SLC25A31: variants seen among roughly 807,000 people sequenced by gnomAD.
SLC25A31 encodes solute carrier family 25 member 31.
SLC25A31 carries 40 observed loss-of-function variants against 36.2 expected under a neutral mutation model. The ratio of observed to expected loss-of-function variants is 1.10; its 90% CI spans 0.86 to 1.44. The LOEUF (loss-of-function observed/expected upper bound fraction) is 1.44. Ranked by LOEUF, SLC25A31 falls within the 40% of genes most tolerant of loss-of-function variation. The pLI is 0.00. For missense variants in SLC25A31, 350 were observed against 397.1 expected (o/e 0.88, Z 1.01); for synonymous variants, 143 against 149.7 (o/e 0.96, Z 0.32).
intron 2 of SLC25A31, among the ~76,000 whole-genome samples, chr4:127,759,015 G>A: frequency 6.6e-6 from 1 of 152,108 alleles, no homozygotes; most frequent in South Asian, 2.1e-4. Flanking sequence ...GACAACTGAT[G>A]TTGGTAATTT....
intron 1 of SLC25A31, among the ~76,000 whole-genome samples, chr4:127,740,507 A>G (rs955270595): frequency 3.3e-5 from 5 of 152,220 alleles, no homozygotes; most frequent in African/African-American, 2.4e-5. Flanking sequence ...ACACAGCTAC[A>G]TATGTACTTG....
chr4:127,762,920 T>G (rs1318634472), intron 2 of SLC25A31, among the ~76,000 whole-genome samples: 2 of 147,506 alleles, frequency 1.4e-5, no homozygotes, highest in Non-Finnish European at 3.0e-5. Context: ...CGAGACTCTG[T>G]CTCAAAAAAA....
intron 2 of SLC25A31, among the ~76,000 whole-genome samples, chr4:127,752,248 G>T (rs1326357296): frequency 1.3e-5 from 2 of 152,202 alleles, no homozygotes; most frequent in East Asian, 3.9e-4. Flanking sequence ...CATAAAAAAT[G>T]ATGAGTTCAT....
intron 2 of SLC25A31, among the ~76,000 whole-genome samples, chr4:127,753,005 T>C (rs1186364640): frequency 6.6e-6 from 1 of 152,188 alleles, no homozygotes; most frequent in Non-Finnish European, 1.5e-5. Context: ...TGTCAAGTTA[T>C]CTTTTCTGAC....
chr4:127,768,731 T>C lies in SLC25A31; in HGVS notation c.634-21T>C, dbSNP rs370299703. 2.6e-5 allele frequency: 41 copies of C among 1,566,164 alleles called. No individual in the cohort carries two copies. The African/African-American group carries it at 4.5e-4, about 17-fold the overall frequency. On this transcript the variant is annotated intron_variant, in intron 4 of 5. Coordinates refer to ENST00000281154, the MANE Select transcript of SLC25A31 (RefSeq NM_031291.4). ...TATTTTAGAAATTTGGATAGTTACTTGGCACATTTTTCTTTTCTAGGGTTT... is the reference window on the plus strand; with the variant it reads ...TATTTTAGAAATTTGGATAGTTACTCGGCACATTTTTCTTTTCTAGGGTTT...
At position 127,773,494 on chromosome 4, in the gene SLC25A31, C is replaced by T; in HGVS notation, c.868C>T (p.Arg290Cys). The change falls in exon 6 of 6, where the codon CGC becomes TGC. Residue 290 changes from arginine to cysteine, a missense_variant. Transcript: ENST00000281154. The part of the protein sequence containing the change: ...FFRGAFSNVL[R>C]GTGGALVLVL... Reference sequence around the variant, plus strand: ...TCGTGGCGCCTTCTCCAATGTTCTTCGCGGTACAGGGGGTGCTTTGGTGTT... The same window carrying T: ...TCGTGGCGCCTTCTCCAATGTTCTTTGCGGTACAGGGGGTGCTTTGGTGTT... 2.5e-6 allele frequency: 4 copies of T among 1,613,874 alleles called. No individual in the cohort carries two copies. Among genetic ancestry groups the T allele is most frequent in the East Asian group, 4.5e-5 (2 of 44,870 alleles).
At chr4:127,750,807 A>G (rs1007391898) in intron 2 of SLC25A31, among the ~76,000 whole-genome samples, 5 of 152,208 alleles carry the variant, frequency 3.3e-5, no homozygotes, top group Admixed American at 1.3e-4. Context: ...GAAATACAAC[A>G]AATTATGAAG....
chr4:127,751,271 C>A (rs1196095706), intron 2 of SLC25A31, among the ~76,000 whole-genome samples: 1 of 152,214 alleles, frequency 6.6e-6, no homozygotes, highest in Admixed American at 6.5e-5. Context: ...TAATACCAGG[C>A]ATCTACAACC....
At chr4:127,772,696 G>A (rs901501582) in intron 5 of SLC25A31, among the ~76,000 whole-genome samples, 2 of 151,902 alleles carry the variant, frequency 1.3e-5, no homozygotes, top group East Asian at 3.9e-4. Context: ...AAAAATTTAG[G>A]TAAGAGGTTT....
chr4:127,735,828 G>T, intron 1 of SLC25A31, among the ~76,000 whole-genome samples: 2 of 140,314 alleles, frequency 1.4e-5, no homozygotes, highest in African/African-American at 2.6e-5. Flanking sequence ...AAAAAATGTT[G>T]GTTTAGACTG....
rs954651576 is a variant in SLC25A31, at chr4:127,773,977, T to C, written c.*403T>C. ...AAGTCATATGGTATGACATATTTCT[T>C]AAAAGCTTATCAATAGATGTCATCA... On this transcript the variant is annotated 3_prime_UTR_variant, in exon 6 of 6. Coordinates refer to ENST00000281154, the MANE Select transcript of SLC25A31 (RefSeq NM_031291.4). 6.4e-6 allele frequency: 1 copy of C among 155,586 alleles called. No homozygotes were observed. The highest frequency in any genetic ancestry group is 1.4e-5 in the Non-Finnish European group (1 of 70,456). 9.6% of individuals were successfully genotyped at this position (155,586 alleles called of 1,614,324 possible).
chr4:127,768,722 A>T, intron 4 of SLC25A31, 30 bp from the exon 5 acceptor site: 1 of 1,547,288 alleles, frequency 6.5e-7, no homozygotes, highest in South Asian at 1.3e-5. Context: ...AGAAATTTGG[A>T]TAGTTACTTG....
At chr4:127,750,957 G>A (rs1009383269) in intron 2 of SLC25A31, among the ~76,000 whole-genome samples, 7 of 152,110 alleles carry the variant, frequency 4.6e-5, no homozygotes, top group Admixed American at 2.6e-4. Context: ...TAGTGGTAAA[G>A]GGATTAAAAA....
intron 1 of SLC25A31, among the ~76,000 whole-genome samples, chr4:127,736,939 A>G (rs1458227585): frequency 6.6e-6 from 1 of 152,238 alleles, no homozygotes; most frequent in East Asian, 1.9e-4. Flanking sequence ...GAACCTATGT[A>G]GTGCATAGCA....
rs1464774325 is a variant in SLC25A31, at chr4:127,730,770, C to T, written c.225C>T (p.Arg75=). 6.2e-7 allele frequency: 1 copy of T among 1,609,050 alleles called. No homozygotes were observed. The highest frequency in any genetic ancestry group is 1.3e-5 in the African/African-American group (1 of 74,850). Residue 75 remains arginine, a synonymous_variant, in exon 1 of 6, where the codon CGC becomes CGT. Coordinates refer to ENST00000281154, the MANE Select transcript of SLC25A31 (RefSeq NM_031291.4). ...GMVDCLVRIP[R]EQGFFSFWRG... ...TGGACTGCCTGGTGCGGATTCCTCG[C>T]GAGCAGGGTGCGTCAAGGCAGGCCG...
At chr4:127,732,785 C>T (rs1318655280) in intron 1 of SLC25A31, among the ~76,000 whole-genome samples, 1 of 152,046 alleles carries the variant, frequency 6.6e-6, no homozygotes, top group African/African-American at 2.4e-5. Flanking sequence ...ATGGTGTATC[C>T]TATGCTAAGA....
chr4:127,730,822 G>C, intron 1 of SLC25A31, 45 bp downstream of exon 1: 2 of 1,544,450 alleles, frequency 1.3e-6, no homozygotes, highest in Non-Finnish European at 1.8e-6. Flanking sequence ...CGGCGCCCTC[G>C]TCAGCTTCCC....
At chr4:127,737,922 A>G (rs530327784) in intron 1 of SLC25A31, among the ~76,000 whole-genome samples, 2 of 144,486 alleles carry the variant, frequency 1.4e-5, no homozygotes, top group East Asian at 3.9e-4. Flanking sequence ...TTACAGAATT[A>G]TAACTAATAA....
At chr4:127,757,161 A>G (rs1367013117) in intron 2 of SLC25A31, among the ~76,000 whole-genome samples, 1 of 152,208 alleles carries the variant, frequency 6.6e-6, no homozygotes, top group Non-Finnish European at 1.5e-5. Flanking sequence ...TAATAGATTC[A>G]GGGGATACAT....
Sources: gnomAD v4.1 joint callset for allele counts (sites outside exome capture counted in the v4.1 genomes callset) on GRCh38, gnomAD v4.1.1 for gene constraint, MANE v1.5 for transcripts, NCBI Gene and HGNC (gene_info 2026-07-23, HGNC 2026-07-21) for gene names.